Variants in XYLT1 observed in about 807,000 individuals in gnomAD.
The protein encoded by XYLT1 is beta-D-xylosyltransferase 1.
In XYLT1, 36 loss-of-function variants were observed where a neutral mutation model predicts 91.3. That is an observed-to-expected ratio of 0.39 (90% CI 0.30 to 0.52). XYLT1 has a LOEUF of 0.52. XYLT1 is among the 20% of genes least tolerant of loss of function. The pLI is 0.68. For missense variants in XYLT1, 1,242 were observed against 1,284.5 expected, an observed-to-expected ratio of 0.97 and a Z score of 0.51; for synonymous variants, 588 against 532.0, an observed-to-expected ratio of 1.11 and a Z score of -1.45.
chr16:17,315,442 T>G (rs2034614396), intron 2 of XYLT1, among the ~76,000 whole-genome samples: 1 of 152,184 alleles, frequency 6.6e-6, no homozygotes. Context: ...AGTAGAGAAT[T>G]CTCGCTCCCC....
chr16:17,152,994 C>G (rs183775242), intron 6 of XYLT1, among the ~76,000 whole-genome samples: 15 of 152,248 alleles, frequency 9.9e-5, no homozygotes, highest in Non-Finnish European at 1.5e-5. Context: ...AAGAATCTCC[C>G]ATGTCCCCAG....
intron 2 of XYLT1, among the ~76,000 whole-genome samples, chr16:17,345,829 G>A (rs1423791692): frequency 6.6e-6 from 1 of 152,074 alleles, no homozygotes; most frequent in Non-Finnish European, 1.5e-5. Context: ...TATTATTTTT[G>A]AGAGAGAGTC....
intron 2 of XYLT1, among the ~76,000 whole-genome samples, chr16:17,306,424 G>A (rs933743654): frequency 3.9e-5 from 6 of 152,014 alleles, no homozygotes; most frequent in African/African-American, 9.7e-5. Flanking sequence ...CAGGCGGCGC[G>A]CATGTGTATA....
chr16:17,368,752 T>C (rs2035487575), intron 1 of XYLT1, among the ~76,000 whole-genome samples: 1 of 152,026 alleles, frequency 6.6e-6, no homozygotes, highest in Admixed American at 6.5e-5. Context: ...GCCTGGCTAA[T>C]ATTTCATTTT....
At chr16:17,375,454 C>T (rs1297011345) in intron 1 of XYLT1, among the ~76,000 whole-genome samples, 1 of 124,584 alleles carries the variant, frequency 8.0e-6, no homozygotes, top group Non-Finnish European at 1.8e-5. Context: ...AAAATTTTAG[C>T]TGTTTCTTGT....
intron 2 of XYLT1, among the ~76,000 whole-genome samples, chr16:17,259,742 G>A (rs1001911256): frequency 6.6e-6 from 1 of 152,174 alleles, no homozygotes; most frequent in Non-Finnish European, 1.5e-5. Context: ...CCATGACTAC[G>A]ATTCTCAATG....
intron 9 of XYLT1, among the ~76,000 whole-genome samples, chr16:17,133,696 C>A (rs12927122): frequency 6.6e-6 from 1 of 152,016 alleles, no homozygotes; most frequent in Non-Finnish European, 1.5e-5. Context: ...GGGTACACAA[C>A]GTGAAAGTCT....
intron 1 of XYLT1, among the ~76,000 whole-genome samples, chr16:17,400,877 C>T (rs2035958844): frequency 6.6e-6 from 1 of 151,784 alleles, no homozygotes; most frequent in African/African-American, 2.4e-5. Flanking sequence ...AAGTAGTAAC[C>T]CTATACTGGG....
intron 3 of XYLT1, among the ~76,000 whole-genome samples, chr16:17,212,685 C>T (rs2032781623): frequency 6.6e-6 from 1 of 152,122 alleles, no homozygotes; most frequent in Non-Finnish European, 1.5e-5. Context: ...CCATTCAAGT[C>T]TGGAGTTATT....
At chr16:17,331,864 A>T (rs7185186) in intron 2 of XYLT1, among the ~76,000 whole-genome samples, 2 of 152,310 alleles carry the variant, frequency 1.3e-5, no homozygotes, top group Non-Finnish European at 2.9e-5. Context: ...TATGGCTTGA[A>T]TGTAAGTTTC....
chr16:17,239,016 C>T (rs974212760), intron 3 of XYLT1, among the ~76,000 whole-genome samples: 3 of 152,212 alleles, frequency 2.0e-5, no homozygotes, highest in Non-Finnish European at 2.9e-5. Context: ...GTGTCTTCTT[C>T]GATTCCTCCC....
chr16:17,202,334 T>C (rs532131936), intron 3 of XYLT1, among the ~76,000 whole-genome samples: 1 of 152,320 alleles, frequency 6.6e-6, no homozygotes, highest in African/African-American at 2.4e-5. Context: ...GGTTGCTGAA[T>C]GAACGAGGCT....
At chr16:17,158,125 T>C (rs532914056) in intron 6 of XYLT1, among the ~76,000 whole-genome samples, 1 of 152,368 alleles carries the variant, frequency 6.6e-6, no homozygotes. Context: ...CTGTATCCCT[T>C]CCAGTTGATG....
intron 1 of XYLT1, among the ~76,000 whole-genome samples, chr16:17,366,480 C>T (rs183896235): frequency 6.6e-5 from 10 of 152,296 alleles, no homozygotes; most frequent in Admixed American, 2.0e-4. Flanking sequence ...GGATCACTTG[C>T]GGTCAGGAGG....
chr16:17,147,277 A>G (rs893338483), intron 6 of XYLT1, among the ~76,000 whole-genome samples: 1 of 152,242 alleles, frequency 6.6e-6, no homozygotes. Flanking sequence ...CAGTCGATGC[A>G]CTTAACCATG....
intron 1 of XYLT1, among the ~76,000 whole-genome samples, chr16:17,467,866 A>G (rs1311054954): frequency 6.6e-6 from 1 of 152,112 alleles, no homozygotes; most frequent in Non-Finnish European, 1.5e-5. Context: ...CCCACCTGCA[A>G]CAGAGCACTG....
At position 17,313,049 on chromosome 16, in the gene XYLT1, G is replaced by A. The variant is rs931717480; in HGVS notation, c.402+44963C>T. ...CCAGGGCCATGGCCACAGATCCCCA[G>A]CCTTGTTGGCTCCTGGATAGTCTCT... On this transcript the variant is annotated intron_variant, in intron 2 of 11. Coordinates refer to ENST00000261381, the MANE Select transcript of XYLT1 (RefSeq NM_022166.4). Among the ~76,000 whole-genome samples the A allele has an allele frequency of 2.0e-5, 3 of 152,344 alleles. No individual in the cohort carries two copies. The East Asian group carries it at 5.8e-4, about 29-fold the overall frequency.
intron 2 of XYLT1, among the ~76,000 whole-genome samples, chr16:17,297,893 T>C (rs570831619): frequency 1.3e-5 from 2 of 152,132 alleles, no homozygotes; most frequent in Admixed American, 1.3e-4. Flanking sequence ...TGGTGGTGTG[T>C]GCCTGTAGTC....
At chr16:17,346,642 T>G (rs987217354) in intron 2 of XYLT1, among the ~76,000 whole-genome samples, 1 of 152,086 alleles carries the variant, frequency 6.6e-6, no homozygotes. Flanking sequence ...CAACTTTGAG[T>G]CCAGGGCCAT....
Sources: gnomAD v4.1 joint callset for allele counts (sites outside exome capture counted in the v4.1 genomes callset) on GRCh38, gnomAD v4.1.1 for gene constraint, MANE v1.5 for transcripts, NCBI Gene and HGNC (gene_info 2026-07-23, HGNC 2026-07-21) for gene names.